The following PRUNE1 variants were observed in gnomAD, a reference collection of about 807,000 sequenced individuals.
The protein encoded by PRUNE1 is prune exopolyphosphatase 1, also known as exopolyphosphatase PRUNE1.
In PRUNE1, 25 loss-of-function variants were observed where a neutral mutation model predicts 42.5. That is an observed-to-expected ratio of 0.59 (90% confidence interval 0.43 to 0.82). PRUNE1 has a LOEUF of 0.82. Ranked by LOEUF, PRUNE1 falls within the 40% of genes least tolerant of loss-of-function variation. PRUNE1 has a pLI of 0.00. For missense variants in PRUNE1, 443 were observed against 539.3 expected, an observed-to-expected ratio of 0.82 and a Z score of 1.77; for synonymous variants, 203 against 217.1, an observed-to-expected ratio of 0.93 and a Z score of 0.57.
rs142576910 is a variant in PRUNE1, at chr1:151,031,899, A to G, written c.934-1907A>G. Among the ~76,000 whole-genome samples, 1,113 of 152,292 alleles carry G rather than the reference A, an allele frequency of 7.3e-3. 21 individuals are homozygous for G. The highest frequency in any genetic ancestry group is 0.026 in the African/African-American group (1,065 of 41,570). On this transcript the variant is annotated intron_variant, in intron 7 of 7. Coordinates refer to ENST00000271620, the MANE Select transcript of PRUNE1 (RefSeq NM_021222.3). ...ACAACCATCTTACTTCGCTTTAGTT[A>G]CTTTAATAATAAAATGAAATATACA...
chr1:151,026,199 G>A (rs887787965), intron 5 of PRUNE1, among the ~76,000 whole-genome samples: 3 of 150,736 alleles, frequency 2.0e-5, no homozygotes, highest in East Asian at 4.0e-4. Context: ...GCTCACGCCT[G>A]TAATCCCAAC....
chr1:151,030,123 G>A lies in PRUNE1; in HGVS notation c.933+1179G>A, dbSNP rs1288035001. 7.9e-5 allele frequency among the ~76,000 whole-genome samples: 12 copies of A among 151,970 alleles called. No homozygotes were observed. The South Asian group carries it at 1.7e-3, about 21-fold the overall frequency. Reference sequence around the variant, plus strand: ...TTAAAAATACGGAAATTAGCTGGGCGTGGTGGTGCGTGCCTATAGTCCCAG... The same window carrying A: ...TTAAAAATACGGAAATTAGCTGGGCATGGTGGTGCGTGCCTATAGTCCCAG... On this transcript the variant is annotated intron_variant, in intron 7 of 7. Transcript: ENST00000271620.
At chr1:151,011,603 A>C (rs989188286) in intron 1 of PRUNE1, among the ~76,000 whole-genome samples, 1 of 152,026 alleles carries the variant, frequency 6.6e-6, no homozygotes, top group Non-Finnish European at 1.5e-5. Flanking sequence ...TTTCTCCCCC[A>C]TTAACTATTC....
Position 151,034,038 on chromosome 1 carries a change from G to C in PRUNE1, c.1166G>C (p.Arg389Thr). 6.2e-7 allele frequency: 1 copy of C among 1,614,176 alleles called. No homozygotes were observed. The highest frequency in any genetic ancestry group is 8.5e-7 in the Non-Finnish European group (1 of 1,180,018). The change falls in exon 8 of 8, where the codon AGG becomes ACG. Residue 389 changes from arginine (R) to threonine (T), a missense_variant. By Grantham distance (71) the Arg-to-Thr change is moderately conservative. Coordinates refer to ENST00000271620, the MANE Select transcript of PRUNE1 (RefSeq NM_021222.3). ...GAGCAAGTGGACAAGGAATTGGACAGGGCAAGTAACTCCCTGATTTCTGGC... is the reference window on the plus strand; with the variant it reads ...GAGCAAGTGGACAAGGAATTGGACACGGCAAGTAACTCCCTGATTTCTGGC... ...SREQVDKELD[R>T]ASNSLISGLS...
chr1:151,012,593 G>A (rs1479442387), intron 1 of PRUNE1, among the ~76,000 whole-genome samples: 1 of 152,112 alleles, frequency 6.6e-6, no homozygotes, highest in African/African-American at 2.4e-5. Flanking sequence ...ATTTCTCTGG[G>A]CTGGGTGTTC....
chr1:151,016,172 G>A (rs1004393778), intron 1 of PRUNE1, among the ~76,000 whole-genome samples: 2 of 152,018 alleles, frequency 1.3e-5, no homozygotes, highest in Non-Finnish European at 2.9e-5. Flanking sequence ...AGGAGGTGGA[G>A]GTTGCCGTGA....
chr1:151,008,616 G>C lies in PRUNE1; in HGVS notation c.-17G>C. On this transcript the variant is annotated 5_prime_UTR_variant, in exon 1 of 8. Coordinates refer to ENST00000271620, the MANE Select transcript of PRUNE1 (RefSeq NM_021222.3). ...CCTCTACTCGACCAGGGGCGACGGC[G>C]TACTTTGGGCTTCATCATGGAGGAC... The C allele has an allele frequency of 6.2e-7, 1 of 1,614,192 alleles. No individual in the cohort carries two copies. The highest frequency in any genetic ancestry group is 8.5e-7 in the Non-Finnish European group (1 of 1,180,020).
At chr1:151,019,714 C>A (rs188287868) in intron 3 of PRUNE1, among the ~76,000 whole-genome samples, 1 of 151,864 alleles carries the variant, frequency 6.6e-6, no homozygotes, top group African/African-American at 2.4e-5. Flanking sequence ...ATTGCCCAGG[C>A]GGATCTCAAA....
chr1:151,017,289 A>G (rs1674165238), intron 1 of PRUNE1, among the ~76,000 whole-genome samples: 1 of 152,108 alleles, frequency 6.6e-6, no homozygotes, highest in African/African-American at 2.4e-5. Flanking sequence ...TTAACATTGA[A>G]GGAGATAGGA....
At chr1:151,028,662 G>T in intron 6 of PRUNE1, 124 bp from the exon 7 acceptor site, 1 of 950,026 alleles carries the variant, frequency 1.1e-6, no homozygotes, top group Non-Finnish European at 1.6e-6. Context: ...GACCTCAAGT[G>T]ATCACCTGCC....
At position 151,035,069 on chromosome 1, in the gene PRUNE1, ATC is replaced by A. The variant is rs745608831; in HGVS notation, c.*839_*840del. 3 of 152,194 alleles carry A rather than the reference ATC, an allele frequency of 2.0e-5. No individual in the cohort carries two copies. The highest frequency in any genetic ancestry group is 4.4e-5 in the Non-Finnish European group (3 of 68,030). 9.4% of individuals were successfully genotyped at this position (152,194 alleles called of 1,614,324 possible). ...TAGCAGGCCTATCAATTTCTTGTCA[ATC>A]TCTTTTTTTCCTTGCTCACATTAAA... On this transcript the variant is annotated 3_prime_UTR_variant, in exon 8 of 8. Transcript: ENST00000271620.
At chr1:151,013,073 T>A (rs759906483) in intron 1 of PRUNE1, among the ~76,000 whole-genome samples, 5 of 152,152 alleles carry the variant, frequency 3.3e-5, no homozygotes, top group Non-Finnish European at 7.3e-5. Flanking sequence ...TATTCTCATT[T>A]TTATATGAGG....
At chr1:151,017,499 T>G (rs1431424424) in intron 1 of PRUNE1, among the ~76,000 whole-genome samples, 1 of 152,034 alleles carries the variant, frequency 6.6e-6, no homozygotes, top group African/African-American at 2.4e-5. Context: ...ATACCTGTTA[T>G]CCCAGCACTT....
chr1:151,023,652 A>C (rs935385256), intron 3 of PRUNE1, among the ~76,000 whole-genome samples: 4 of 150,598 alleles, frequency 2.7e-5, no homozygotes, highest in Non-Finnish European at 5.9e-5. Context: ...TGGGAGGCGG[A>C]GGTTGCAGTG....
intron 1 of PRUNE1, among the ~76,000 whole-genome samples, chr1:151,013,854 G>A (rs1043742646): frequency 3.9e-5 from 6 of 152,196 alleles, no homozygotes; most frequent in African/African-American, 1.4e-4. Flanking sequence ...GGTATCAGGA[G>A]GAGGAATTAC....
Position 151,035,327 on chromosome 1 carries a change from T to C in PRUNE1, c.*1093T>C, listed in dbSNP as rs587649186. 1.8e-4 allele frequency: 27 copies of C among 152,368 alleles called. No individual in the cohort carries two copies. Among genetic ancestry groups the C allele is most frequent in the Admixed American group, 1.3e-3 (20 of 15,282 alleles). The allele number at this position is 152,368 out of a possible 1,614,324, so 9.4% of individuals were successfully genotyped here. On this transcript the variant is annotated 3_prime_UTR_variant, in exon 8 of 8. Coordinates refer to ENST00000271620, the MANE Select transcript of PRUNE1 (RefSeq NM_021222.3). ...TTGATTGTCTGTATTTCTGTGTGGTTGTAGCAAGGACTCAGCCTCATGTAG... is the reference window on the plus strand; with the variant it reads ...TTGATTGTCTGTATTTCTGTGTGGTCGTAGCAAGGACTCAGCCTCATGTAG...
chr1:151,027,183 G>T, intron 5 of PRUNE1, 50 bp from the exon 6 acceptor site: 1 of 1,407,930 alleles, frequency 7.1e-7, no homozygotes, highest in South Asian at 1.2e-5. Context: ...TCTTGGTCTT[G>T]GGACCCTGGC....
chr1:151,027,123 C>T (rs1056089054), intron 5 of PRUNE1, 110 bp from the exon 6 acceptor site: 1 of 672,602 alleles, frequency 1.5e-6, no homozygotes, highest in Non-Finnish European at 2.6e-6. Context: ...ATTCATTGCC[C>T]CAAAGAGAGG....
intron 3 of PRUNE1, among the ~76,000 whole-genome samples, chr1:151,024,150 G>A (rs1407579481): frequency 7.5e-5 from 11 of 145,712 alleles, no homozygotes; most frequent in African/African-American, 2.8e-4. Flanking sequence ...TCGTGCCATT[G>A]CACTCCAACC....
Sources: gnomAD v4.1 joint callset for allele counts (sites outside exome capture counted in the v4.1 genomes callset) on GRCh38, gnomAD v4.1.1 for gene constraint, MANE v1.5 for transcripts, NCBI Gene and HGNC (gene_info 2026-07-23, HGNC 2026-07-21) for gene names.